The following HPSE2 variants were observed in gnomAD, a reference collection of about 807,000 sequenced individuals.
HPSE2 encodes inactive heparanase-2.
A neutral mutation model predicts 60.5 loss-of-function variants in HPSE2; 38 were observed. The ratio of observed to expected loss-of-function variants is 0.63; its 90% CI spans 0.48 to 0.82. HPSE2 has a LOEUF of 0.82. Among genes scored for constraint, HPSE2 ranks in the 40% least tolerant of loss-of-function variants. The probability of loss-of-function intolerance (pLI) is 0.00; values close to 1 mark genes in which losing one functional copy is unlikely to be tolerated. For synonymous variants in HPSE2, 295 were observed against 293.2 expected, an observed-to-expected ratio of 1.01 and a Z score of -0.06; for missense variants, 713 against 740.4, an observed-to-expected ratio of 0.96 and a Z score of 0.43.
intron 7 of HPSE2, among the ~76,000 whole-genome samples, chr10:98,640,655 A>AT (rs1946614406): frequency 1.3e-5 from 2 of 152,072 alleles, no homozygotes; most frequent in African/African-American, 4.8e-5. Flanking sequence ...ACCTGTTATA[A>AT]TTTTTCTGCA....
At chr10:99,298,805 G>T in the HPSE2 span, among the ~76,000 whole-genome samples, 5 of 152,174 alleles carry the variant, frequency 3.3e-5, no homozygotes, top group East Asian at 1.9e-4. Flanking sequence ...CTCCTGAGTA[G>T]CTGGGACTAC....
chr10:98,699,366 T>C (rs11189756), intron 5 of HPSE2, among the ~76,000 whole-genome samples: 80,859 of 121,176 alleles, frequency 0.67, 28,884 homozygotes, highest in South Asian at 0.92. Context: ...TAATCCAGCA[T>C]ATAAACAGAA....
chr10:99,309,015 G>T, the HPSE2 span, among the ~76,000 whole-genome samples: 16 of 152,064 alleles, frequency 1.1e-4, no homozygotes, highest in South Asian at 1.4e-3. Flanking sequence ...AATGAGTGCT[G>T]GCAGAGAGCT....
chr10:98,780,771 T>A (rs370024942), intron 3 of HPSE2, among the ~76,000 whole-genome samples: 12 of 152,280 alleles, frequency 7.9e-5, no homozygotes, highest in African/African-American at 2.9e-4. Context: ...GAGCAAAACT[T>A]CTGAGAAAAT....
chr10:98,512,338 T>C (rs1406354609), intron 9 of HPSE2, among the ~76,000 whole-genome samples: 2 of 152,180 alleles, frequency 1.3e-5, no homozygotes, highest in Non-Finnish European at 2.9e-5. Flanking sequence ...TCCCAGCACT[T>C]TGGGAGGCCG....
chr10:98,915,006 GA>G (rs898925321), intron 3 of HPSE2, among the ~76,000 whole-genome samples: 9 of 145,250 alleles, frequency 6.2e-5, no homozygotes, highest in Non-Finnish European at 9.1e-5. Context: ...CATATGCACT[GA>G]AAAAAAAAAC....
At chr10:99,123,309 C>A (rs1170355669) in intron 3 of HPSE2, among the ~76,000 whole-genome samples, 6 of 152,242 alleles carry the variant, frequency 3.9e-5, no homozygotes, top group Admixed American at 1.3e-4. Context: ...AAAGGTAATT[C>A]ACCAAAGAGG....
At chr10:98,576,606 C>T (rs1944646998) in intron 9 of HPSE2, among the ~76,000 whole-genome samples, 1 of 152,052 alleles carries the variant, frequency 6.6e-6, no homozygotes, top group South Asian at 2.1e-4. Flanking sequence ...ACCTCCACAT[C>T]TCTCACTGTC....
intron 3 of HPSE2, among the ~76,000 whole-genome samples, chr10:98,919,335 T>C (rs1317355825): frequency 6.6e-6 from 1 of 152,146 alleles, no homozygotes; most frequent in Non-Finnish European, 1.5e-5. Context: ...CATAGATAAA[T>C]TCATGAAATG....
the HPSE2 span, among the ~76,000 whole-genome samples, chr10:99,305,105 C>G: frequency 6.6e-6 from 1 of 152,240 alleles, no homozygotes; most frequent in Non-Finnish European, 1.5e-5. Flanking sequence ...AGAATCCACA[C>G]TTGTCAGAAG....
At chr10:98,463,700 G>A (rs140592176) in intron 11 of HPSE2, among the ~76,000 whole-genome samples, 1,818 of 152,326 alleles carry the variant, frequency 0.012, 19 homozygotes, top group Middle Eastern at 0.027. Context: ...AACTACTTGG[G>A]AGGCTGAGGT....
chr10:98,886,082 A>C (rs540952681), intron 3 of HPSE2, among the ~76,000 whole-genome samples: 3 of 152,236 alleles, frequency 2.0e-5, no homozygotes, highest in African/African-American at 7.2e-5. Context: ...ATTTCTTTTG[A>C]GGTATCAATA....
At chr10:99,000,179 A>T (rs962724959) in intron 3 of HPSE2, among the ~76,000 whole-genome samples, 5 of 152,324 alleles carry the variant, frequency 3.3e-5, no homozygotes, top group Non-Finnish European at 7.4e-5. Flanking sequence ...TATGGAAAAC[A>T]AGAGAAAGTG....
intron 9 of HPSE2, among the ~76,000 whole-genome samples, chr10:98,545,163 T>C (rs941824798): frequency 2.6e-5 from 4 of 152,000 alleles, no homozygotes; most frequent in Admixed American, 1.3e-4. Context: ...CAATAATCAA[T>C]AGCTTACCAA....
chr10:99,103,754 CA>C (rs1403753052), intron 3 of HPSE2, among the ~76,000 whole-genome samples: 1 of 152,096 alleles, frequency 6.6e-6, no homozygotes, highest in African/African-American at 2.4e-5. Context: ...CTACAGTAAC[CA>C]AAACAGCATG....
chr10:99,263,714 G>A, the HPSE2 span, among the ~76,000 whole-genome samples: 5 of 151,704 alleles, frequency 3.3e-5, no homozygotes, highest in Non-Finnish European at 7.4e-5. Flanking sequence ...TACACTCAAC[G>A]CAGATGGTTC....
At chr10:98,772,963 G>A (rs764196385) in intron 3 of HPSE2, among the ~76,000 whole-genome samples, 1 of 152,108 alleles carries the variant, frequency 6.6e-6, no homozygotes, top group Non-Finnish European at 1.5e-5. Flanking sequence ...AGCTCACGAG[G>A]TCAACAAAGA....
At chr10:99,045,878 A>G (rs1957843204) in intron 3 of HPSE2, among the ~76,000 whole-genome samples, 1 of 152,184 alleles carries the variant, frequency 6.6e-6, no homozygotes, top group African/African-American at 2.4e-5. Context: ...CCTGGAACAG[A>G]TGGATTCACA....
At chr10:98,499,978 C>T (rs1388828618) in intron 9 of HPSE2, among the ~76,000 whole-genome samples, 3 of 152,058 alleles carry the variant, frequency 2.0e-5, no homozygotes, top group Non-Finnish European at 4.4e-5. Flanking sequence ...TATCACAATC[C>T]TAAACATATA....
Sources: gnomAD v4.1 joint callset for allele counts (sites outside exome capture counted in the v4.1 genomes callset) on GRCh38, gnomAD v4.1.1 for gene constraint, MANE v1.5 for transcripts, NCBI Gene and HGNC (gene_info 2026-07-23, HGNC 2026-07-21) for gene names.